The following PCDHA6 variants were observed in gnomAD, a reference collection of about 807,000 sequenced individuals.
PCDHA6 encodes protocadherin alpha-6.
A neutral mutation model predicts 60.3 loss-of-function variants in PCDHA6; 55 were observed. The ratio of observed to expected loss-of-function variants is 0.91; its 90% confidence interval spans 0.73 to 1.14. The LOEUF (loss-of-function observed/expected upper bound fraction) is 1.14, where lower values mean the gene tolerates loss of function less well. Among genes scored for constraint, PCDHA6 ranks in the 50% most tolerant of loss-of-function variants. The pLI, the probability that PCDHA6 is intolerant of heterozygous loss-of-function variation, is 0.00. For synonymous variants in PCDHA6, 652 were observed against 557.9 expected (o/e 1.17, Z -2.38); for missense variants, 1,327 against 1,256.5 (o/e 1.06, Z -0.85).
chr5:140,926,959 G>C (rs781794027), intron 1 of PCDHA6: 23 of 1,603,904 alleles, frequency 1.4e-5, no homozygotes, highest in Non-Finnish European at 1.9e-5. Context: ...GGGACAGCTC[G>C]AGTACTCAGT....
chr5:140,941,231 C>CTT (rs1554214107), intron 1 of PCDHA6, among the ~76,000 whole-genome samples: 1 of 136,770 alleles, frequency 7.3e-6, no homozygotes, highest in African/African-American at 2.8e-5. Context: ...TTCTTTCTTT[C>CTT]TTTCTTTCTT....
chr5:140,886,961 C>T (rs1340952035), intron 1 of PCDHA6, among the ~76,000 whole-genome samples: 1 of 151,926 alleles, frequency 6.6e-6, no homozygotes, highest in South Asian at 2.1e-4. Context: ...CATTTAGCAA[C>T]GAAATTTATT....
chr5:140,842,833 G>C (rs2150345811), intron 1 of PCDHA6: 1 of 1,593,874 alleles, frequency 6.3e-7, no homozygotes, highest in Non-Finnish European at 8.6e-7. Context: ...AGCGCTCGCT[G>C]TCGAGCTACA....
chr5:140,892,580 A>G (rs1462175198), intron 1 of PCDHA6, among the ~76,000 whole-genome samples: 1 of 152,198 alleles, frequency 6.6e-6, no homozygotes, highest in African/African-American at 2.4e-5. Context: ...AGTATATCTC[A>G]GTATTCATTC....
rs1554229126 is a variant in PCDHA6 at position 140,967,062 on chromosome 5, T to C, written c.2395-11887T>C. 3 of 1,612,916 alleles carry C rather than the reference T, an allele frequency of 1.9e-6. No individual in the cohort carries two copies. In the Admixed American group the frequency reaches 5.0e-5, roughly 27 times the overall value. ...GAGCTGGACCTGACGAGTGGAGCGC[T>C]CTTCGTCAACGAGCGCATTGATCGG... On this transcript the variant is annotated intron_variant, in intron 1 of 3. Transcript: ENST00000529310.
intron 1 of PCDHA6, chr5:140,856,273 G>A (rs1554148468): frequency 6.3e-7 from 1 of 1,598,340 alleles, no homozygotes; most frequent in Admixed American, 1.7e-5. Context: ...ACCTTCTGGA[G>A]GTAAATCTGC....
At position 141,011,373 on chromosome 5, in the gene PCDHA6, TAA is replaced by T. The variant is rs1299941460; in HGVS notation, c.*1437_*1438del. The T allele has an allele frequency of 1.3e-5, 2 of 153,792 alleles. No homozygotes were observed. Among genetic ancestry groups the T allele is most frequent in the Non-Finnish European group, 2.9e-5 (2 of 68,046 alleles). The allele number at this position is 153,792 out of a possible 1,614,324, so 9.5% of individuals were successfully genotyped here. A position where few individuals can be genotyped will look rare whatever the true frequency, so the allele number is the denominator to read the frequency against. The stretch of plus-strand genomic sequence containing the variant: ...CCCATATGTATGCTGTATGCTATGC[TAA>T]GACTCCTGAAATATACTTACTCTGT... On this transcript the variant is annotated 3_prime_UTR_variant, in exon 4 of 4. Coordinates refer to ENST00000529310, the MANE Select transcript of PCDHA6 (RefSeq NM_018909.4).
chr5:140,977,844 G>A (rs2096777589), intron 1 of PCDHA6, among the ~76,000 whole-genome samples: 1 of 152,136 alleles, frequency 6.6e-6, no homozygotes, highest in Admixed American at 6.5e-5. Context: ...TATTACTATG[G>A]CTTTGTTTCT....
chr5:140,993,462 TCACACACACACACACACACACACA>T (rs3836747), intron 3 of PCDHA6, among the ~76,000 whole-genome samples: 3 of 140,938 alleles, frequency 2.1e-5, no homozygotes, highest in African/African-American at 5.3e-5. Flanking sequence ...TCTTTCTTTC[TCACACACACACACACACACACACA>T]CACACACACA....
intron 1 of PCDHA6, among the ~76,000 whole-genome samples, chr5:140,916,213 T>A (rs2077480691): frequency 6.6e-6 from 1 of 152,134 alleles, no homozygotes; most frequent in Non-Finnish European, 1.5e-5. Context: ...CTGGGGAAGA[T>A]CCAAATATGC....
intron 1 of PCDHA6, chr5:140,966,887 G>A: frequency 6.3e-7 from 1 of 1,592,682 alleles, no homozygotes. Flanking sequence ...TGGCCCTGCG[G>A]CCTCCCAGCT....
intron 1 of PCDHA6, among the ~76,000 whole-genome samples, chr5:140,907,298 A>T (rs138771358): frequency 0.017 from 2,638 of 152,276 alleles, 92 homozygotes; most frequent in African/African-American, 0.06. Context: ...CTGCTTCAGG[A>T]TGATGGGGAA....
At chr5:140,900,373 G>T (rs1225159327) in intron 1 of PCDHA6, among the ~76,000 whole-genome samples, 2 of 152,118 alleles carry the variant, frequency 1.3e-5, no homozygotes, top group Non-Finnish European at 2.9e-5. Flanking sequence ...TGCCTCCTGG[G>T]TTCAAGCGAT....
rs142866496 is a variant in PCDHA6, at chr5:140,917,224, G to A, written c.2395-61725G>A. Among the ~76,000 whole-genome samples, 29 of 151,040 alleles carry A rather than the reference G, an allele frequency of 1.9e-4. No homozygotes were observed. In the East Asian group the frequency reaches 2.2e-3, roughly 11 times the overall value. ...TCTTCAATGCCTCTTTTAGTGATAC[G>A]TTGTTAAATCTAGGTACTACGATTG... On this transcript the variant is annotated intron_variant, in intron 1 of 3. Transcript: ENST00000529310.
intron 1 of PCDHA6, among the ~76,000 whole-genome samples, chr5:140,975,429 C>T (rs1006180121): frequency 2.6e-5 from 4 of 152,208 alleles, no homozygotes; most frequent in African/African-American, 9.6e-5. Flanking sequence ...AGGGTGTGCA[C>T]ACCAGGATAT....
chr5:140,941,185 C>CTTT (rs782102770), intron 1 of PCDHA6, among the ~76,000 whole-genome samples: 77 of 102,238 alleles, frequency 7.5e-4, no homozygotes, highest in Admixed American at 3.0e-3. Flanking sequence ...CATCCTGCTT[C>CTTT]TTTTTTTTTC....
At chr5:140,877,614 G>A (rs2153354451) in intron 1 of PCDHA6, 3 of 1,613,850 alleles carry the variant, frequency 1.9e-6, no homozygotes, top group Middle Eastern at 3.3e-4. Context: ...TGGTGCTCAC[G>A]CTGCTGCTGT....
At chr5:140,853,825 C>A (rs1465584755) in intron 1 of PCDHA6, 1 of 986,448 alleles carries the variant, frequency 1.0e-6, no homozygotes, top group Non-Finnish European at 1.2e-6. Flanking sequence ...GATTCTCATA[C>A]AACCGAAATT....
chr5:140,925,641 TATAATA>T (rs10569930), intron 1 of PCDHA6, among the ~76,000 whole-genome samples: 8,694 of 143,320 alleles, frequency 0.061, 267 homozygotes, highest in Non-Finnish European at 0.068. Flanking sequence ...GAACTTAAAG[TATAATA>T]ATAATAATAA....
Sources: gnomAD v4.1 joint callset for allele counts (sites outside exome capture counted in the v4.1 genomes callset) on GRCh38, gnomAD v4.1.1 for gene constraint, MANE v1.5 for transcripts, NCBI Gene and HGNC (gene_info 2026-07-23, HGNC 2026-07-21) for gene names.